HEMK2: variants seen among roughly 807,000 people sequenced by gnomAD.
The protein encoded by HEMK2 is HemK methyltransferase 2, ETF1 glutamine and histone H4 lysine.
At chr21:28,851,792 A>G in the HEMK2 span, among the ~76,000 whole-genome samples, 1 of 152,224 alleles carries the variant, frequency 6.6e-6, no homozygotes, top group Non-Finnish European at 1.5e-5. Context: ...ACAATGACAC[A>G]AAGTCAGAGA....
the HEMK2 span, chr21:28,874,651 T>G: frequency 1.3e-5 from 2 of 152,262 alleles, no homozygotes; most frequent in Non-Finnish European, 2.9e-5. Flanking sequence ...CAGGTTATCT[T>G]GTCCACTTTA....
chr21:28,647,193 G>A, the HEMK2 span, among the ~76,000 whole-genome samples: 1 of 151,680 alleles, frequency 6.6e-6, no homozygotes, highest in Non-Finnish European at 1.5e-5. Context: ...GGTACAGAAA[G>A]TAGCACTGGG....
the HEMK2 span, among the ~76,000 whole-genome samples, chr21:28,837,719 C>CA: frequency 4.0e-5 from 6 of 150,704 alleles, no homozygotes; most frequent in African/African-American, 7.3e-5. Flanking sequence ...GAAACTGAAA[C>CA]AAAAAAAATA....
At chr21:28,614,572 G>A in the HEMK2 span, among the ~76,000 whole-genome samples, 16,631 of 152,164 alleles carry the variant, frequency 0.11, 1,011 homozygotes, top group African/African-American at 0.13. Context: ...ATTTTCTTGG[G>A]CTCTACGGCT....
the HEMK2 span, among the ~76,000 whole-genome samples, chr21:28,705,034 G>C: frequency 9.9e-5 from 15 of 152,136 alleles, no homozygotes; most frequent in South Asian, 2.9e-3. Context: ...CTCCCTCTAG[G>C]CATCTTTGGC....
At chr21:28,802,301 T>C in the HEMK2 span, among the ~76,000 whole-genome samples, 5 of 152,218 alleles carry the variant, frequency 3.3e-5, no homozygotes, top group African/African-American at 4.8e-5. Flanking sequence ...TTACCCTCTG[T>C]TGAAAATAAA....
the HEMK2 span, among the ~76,000 whole-genome samples, chr21:28,596,933 C>T: frequency 1.3e-5 from 2 of 152,058 alleles, no homozygotes; most frequent in Admixed American, 6.5e-5. Flanking sequence ...CACAAATATA[C>T]ACATTATTTT....
the HEMK2 span, among the ~76,000 whole-genome samples, chr21:28,644,890 G>C: frequency 9.7e-4 from 148 of 152,198 alleles, no homozygotes; most frequent in African/African-American, 3.4e-3. Context: ...TGAGAGATTG[G>C]CATTTGAGTT....
the HEMK2 span, among the ~76,000 whole-genome samples, chr21:28,820,955 G>GT: frequency 6.6e-6 from 1 of 152,156 alleles, no homozygotes; most frequent in South Asian, 2.1e-4. Flanking sequence ...AGGTATCCCA[G>GT]TTGTCTGAGC....
chr21:28,682,530 GA>G, the HEMK2 span, among the ~76,000 whole-genome samples: 6 of 151,962 alleles, frequency 3.9e-5, no homozygotes, highest in Non-Finnish European at 8.8e-5. Flanking sequence ...AATACCATTT[GA>G]CCCAGCCATC....
the HEMK2 span, among the ~76,000 whole-genome samples, chr21:28,746,536 A>T: frequency 6.6e-6 from 1 of 152,222 alleles, no homozygotes; most frequent in Non-Finnish European, 1.5e-5. Flanking sequence ...TTAAGGGAAT[A>T]TATGAGTGAT....
the HEMK2 span, among the ~76,000 whole-genome samples, chr21:28,867,685 T>A: frequency 3.3e-5 from 5 of 152,284 alleles, no homozygotes; most frequent in South Asian, 1.0e-3. Flanking sequence ...TCAAGTCTTA[T>A]GGGGGTAACA....
the HEMK2 span, among the ~76,000 whole-genome samples, chr21:28,737,845 T>C: frequency 2.0e-5 from 3 of 152,222 alleles, no homozygotes; most frequent in African/African-American, 4.8e-5. Context: ...GAGGTGTCCA[T>C]TGCTGATTGG....
At chr21:28,712,330 G>C in the HEMK2 span, among the ~76,000 whole-genome samples, 2 of 152,214 alleles carry the variant, frequency 1.3e-5, no homozygotes, top group African/African-American at 4.8e-5. Context: ...ACTTCAATCA[G>C]AGGGTATGCT....
At chr21:28,849,314 A>T in the HEMK2 span, among the ~76,000 whole-genome samples, 1 of 151,874 alleles carries the variant, frequency 6.6e-6, no homozygotes, top group African/African-American at 2.4e-5. Flanking sequence ...CTACAATCAA[A>T]CTCCCAGAGC....
chr21:28,727,354 A>G, the HEMK2 span, among the ~76,000 whole-genome samples: 2 of 152,230 alleles, frequency 1.3e-5, no homozygotes, highest in African/African-American at 4.8e-5. Flanking sequence ...TCAAAGCCCA[A>G]GCGTTTGAAA....
chr21:28,582,807 T>C, the HEMK2 span, among the ~76,000 whole-genome samples: 4 of 152,340 alleles, frequency 2.6e-5, no homozygotes, highest in South Asian at 8.3e-4. Context: ...ATAAATTTGG[T>C]GTTTTTCCCT....
the HEMK2 span, among the ~76,000 whole-genome samples, chr21:28,833,283 T>C: frequency 1.1e-4 from 16 of 152,252 alleles, no homozygotes; most frequent in Admixed American, 3.9e-4. Context: ...TATGGGCTGA[T>C]AGCTTTGTGC....
chr21:28,775,801 A>ATC, the HEMK2 span, among the ~76,000 whole-genome samples: 6 of 152,246 alleles, frequency 3.9e-5, no homozygotes, highest in African/African-American at 1.4e-4. Flanking sequence ...GGTGAGTGAG[A>ATC]GAGAAGAAAA....
Sources: gnomAD v4.1 joint callset for allele counts (sites outside exome capture counted in the v4.1 genomes callset) on GRCh38, gnomAD v4.1.1 for gene constraint, MANE v1.5 for transcripts, NCBI Gene and HGNC (gene_info 2026-07-23, HGNC 2026-07-21) for gene names.